The following SLC22A25 variants were observed in gnomAD, a reference collection of about 807,000 sequenced individuals.
The protein encoded by SLC22A25 is MGI:2442751, MGI:2385316, MGI:3042283, MGI:3645714, MGI:3605624, MGI:2442750.
A neutral mutation model predicts 45.9 loss-of-function variants in SLC22A25; 44 were observed. That is an observed-to-expected ratio of 0.96 (90% CI 0.75 to 1.23). The LOEUF is 1.23. SLC22A25 is among the 50% of genes most tolerant of loss of function. The pLI, the probability that SLC22A25 is intolerant of heterozygous loss-of-function variation, is 0.00. For synonymous variants in SLC22A25, 283 were observed against 238.6 expected (o/e 1.19, Z -1.72); for missense variants, 800 against 666.4 (o/e 1.20, Z -2.21).
intron 7 of SLC22A25, among the ~76,000 whole-genome samples, chr11:63,212,224 T>C (rs2134803038): frequency 5.8e-5 from 1 of 17,264 alleles, no homozygotes; most frequent in Non-Finnish European, 1.1e-4. Context: ...TTGGTGGGAC[T>C]GTAAACTAGT....
At chr11:63,195,975 C>T (rs534625611) in intron 7 of SLC22A25, among the ~76,000 whole-genome samples, 1 of 152,174 alleles carries the variant, frequency 6.6e-6, no homozygotes, top group African/African-American at 2.4e-5. Context: ...CTATAAACAC[C>T]TCTATGCAAA....
intron 9 of SLC22A25, among the ~76,000 whole-genome samples, chr11:63,172,916 C>T (rs1173119590): frequency 1.3e-5 from 2 of 152,042 alleles, no homozygotes; most frequent in African/African-American, 4.8e-5. Flanking sequence ...GACACATGCA[C>T]ATGTATGTTT....
At chr11:63,193,492 G>A (rs760359144) in intron 7 of SLC22A25, among the ~76,000 whole-genome samples, 2 of 152,246 alleles carry the variant, frequency 1.3e-5, no homozygotes, top group African/African-American at 2.4e-5. Context: ...CTGTTCTGCA[G>A]CCTCTGCTGG....
chr11:63,161,532 TGA>T lies in SLC22A25; in HGVS notation c.*2290_*2291del, dbSNP rs1360576728. On this transcript the variant is annotated 3_prime_UTR_variant, in exon 12 of 12. Transcript: ENST00000306494. ...GTGGGAGGTAACTGAATCATGGGGG[TGA>T]GTGTTTCCCATGCTCTTCCTATGAT... is the stretch of plus-strand genomic sequence containing the variant. 1.3e-5 allele frequency among the ~76,000 whole-genome samples: 2 copies of T among 151,964 alleles called. No individual in the cohort carries two copies. Among genetic ancestry groups the T allele is most frequent in the Admixed American group, 1.3e-4 (2 of 15,260 alleles).
chr11:63,234,019 G>A (rs2134852089), intron 3 of SLC22A25, among the ~76,000 whole-genome samples: 1 of 152,290 alleles, frequency 6.6e-6, no homozygotes, highest in South Asian at 2.1e-4. Flanking sequence ...TATAATTTCT[G>A]TTCTTTTACA....
chr11:63,195,178 A>G (rs2088974491), intron 7 of SLC22A25, among the ~76,000 whole-genome samples: 1 of 152,156 alleles, frequency 6.6e-6, no homozygotes, highest in Non-Finnish European at 1.5e-5. Context: ...CCCCACTGTC[A>G]ACATTAGACA....
At chr11:63,207,056 G>T (rs1453502759) in intron 7 of SLC22A25, among the ~76,000 whole-genome samples, 2 of 152,176 alleles carry the variant, frequency 1.3e-5, no homozygotes, top group Admixed American at 6.5e-5. Context: ...AATAAATGGT[G>T]CTGGGAAAAC....
intron 7 of SLC22A25, among the ~76,000 whole-genome samples, chr11:63,194,128 G>C (rs1046921760): frequency 1.3e-5 from 2 of 152,158 alleles, no homozygotes; most frequent in African/African-American, 4.8e-5. Flanking sequence ...AGAGTAAAAA[G>C]AAATGAACAA....
intron 7 of SLC22A25, among the ~76,000 whole-genome samples, chr11:63,217,011 G>C (rs1000177652): frequency 6.6e-6 from 1 of 152,106 alleles, no homozygotes; most frequent in Non-Finnish European, 1.5e-5. Context: ...ATAAAATACT[G>C]AATATTTGGG....
At chr11:63,164,448 T>A (rs981228199) in intron 11 of SLC22A25, 78 bp downstream of exon 11, 1 of 1,254,264 alleles carries the variant, frequency 8.0e-7, no homozygotes, top group Non-Finnish European at 1.1e-6. Context: ...TTGTCTTGGA[T>A]TTTTTTCCCT....
intron 7 of SLC22A25, among the ~76,000 whole-genome samples, chr11:63,189,465 T>C (rs2088707051): frequency 6.6e-6 from 1 of 152,256 alleles, no homozygotes; most frequent in South Asian, 2.1e-4. Flanking sequence ...GTCTCCTGAA[T>C]ACAGCACATT....
intron 7 of SLC22A25, among the ~76,000 whole-genome samples, chr11:63,198,378 G>A (rs1250416316): frequency 6.6e-6 from 1 of 152,186 alleles, no homozygotes; most frequent in Admixed American, 6.6e-5. Flanking sequence ...TATAAACCAT[G>A]GAATACTATG....
chr11:63,173,914 T>TTA (rs199799877), intron 9 of SLC22A25, among the ~76,000 whole-genome samples: 4 of 150,244 alleles, frequency 2.7e-5, no homozygotes, highest in Non-Finnish European at 4.4e-5. Flanking sequence ...TTTTTTTTTT[T>TTA]ATTACATTTT....
Position 63,228,645 on chromosome 11 carries a change from A to C in SLC22A25, c.403-81T>G. The stretch of plus-strand genomic sequence containing the variant: ...TCAAAATGTCTTAAAATAGCCTGCA[A>C]GTTTCATTCTATCTTCCTCCCTAGC... On this transcript the variant is annotated intron_variant, in intron 4 of 11. Transcript: ENST00000306494. 2.9e-6 allele frequency: 3 copies of C among 1,025,926 alleles called. No individual in the cohort carries two copies. In the Admixed American group the frequency reaches 6.7e-5, roughly 23 times the overall value. 63.6% of individuals were successfully genotyped at this position (1,025,926 alleles called of 1,614,324 possible).
intron 7 of SLC22A25, among the ~76,000 whole-genome samples, chr11:63,187,576 A>G (rs139442304): frequency 0.026 from 3,897 of 152,290 alleles, 65 homozygotes; most frequent in Middle Eastern, 0.051. Context: ...AACTTCCAAC[A>G]CTATGTTGAA....
At chr11:63,230,461 G>A (rs1414871073) in intron 3 of SLC22A25, among the ~76,000 whole-genome samples, 1 of 152,156 alleles carries the variant, frequency 6.6e-6, no homozygotes, top group Non-Finnish European at 1.5e-5. Flanking sequence ...CAGTGAGTAA[G>A]ATAGAGTACA....
chr11:63,229,210 G>C (rs74759635), intron 4 of SLC22A25, 41 bp downstream of exon 4: 85,523 of 1,476,714 alleles, frequency 0.058, 3,231 homozygotes, highest in African/African-American at 0.18. Context: ...ATTCTAAACA[G>C]CCAGGTCATG....
chr11:63,165,964 T>G, intron 10 of SLC22A25, 80 bp downstream of exon 10: 1 of 1,501,824 alleles, frequency 6.7e-7, no homozygotes, highest in Non-Finnish European at 9.1e-7. Context: ...TCCTTCTGGC[T>G]TCAGATAGGT....
At chr11:63,239,857 A>T (rs1254499692) in intron 1 of SLC22A25, among the ~76,000 whole-genome samples, 1 of 152,204 alleles carries the variant, frequency 6.6e-6, no homozygotes, top group Non-Finnish European at 1.5e-5. Flanking sequence ...TAAGTGCAAG[A>T]TAAGGTCTTC....
Sources: allele counts gnomAD v4.1 joint callset (sites outside exome capture counted in the v4.1 genomes callset), GRCh38; gene constraint gnomAD v4.1.1; transcripts MANE v1.5; gene names NCBI Gene and HGNC (gene_info 2026-07-23, HGNC 2026-07-21).